WWP1: variants seen among roughly 807,000 people sequenced by gnomAD.
WWP1 encodes the protein NEDD4-like E3 ubiquitin-protein ligase WWP1.
WWP1 carries 49 observed loss-of-function variants against 130.6 expected under a neutral mutation model. The observed-to-expected ratio is 0.38, with a 90% CI of 0.30 to 0.48. The LOEUF (loss-of-function observed/expected upper bound fraction) is 0.48. WWP1 is among the 20% of genes least tolerant of loss of function. The pLI, the probability that WWP1 is intolerant of heterozygous loss-of-function variation, is 0.99. For synonymous variants in WWP1, 332 were observed against 367.8 expected (o/e 0.90, Z 1.11); for missense variants, 809 against 1,100.6 (o/e 0.74, Z 3.75).
intron 21 of WWP1, among the ~76,000 whole-genome samples, chr8:86,457,425 G>GTCTATCTATCTATCTATCTA (rs746203287): frequency 6.6e-6 from 1 of 150,542 alleles, no homozygotes; most frequent in African/African-American, 2.4e-5. Context: ...CTGTCTGTCT[G>GTCTATCTATCTATCTATCTA]TCTGTCTATC....
chr8:86,357,747 T>A (rs1013611501), intron 1 of WWP1, among the ~76,000 whole-genome samples: 13 of 152,238 alleles, frequency 8.5e-5, no homozygotes, highest in African/African-American at 3.1e-4. Context: ...TAGGTACTGT[T>A]TTTTAGTCTC....
chr8:86,371,933 C>T (rs888822981), intron 2 of WWP1, among the ~76,000 whole-genome samples: 1 of 151,932 alleles, frequency 6.6e-6, no homozygotes, highest in East Asian at 1.9e-4. Flanking sequence ...CCTCCACCTC[C>T]CAGATTCAAG....
chr8:86,362,003 C>T lies in WWP1; in HGVS notation c.-114-6936C>T, dbSNP rs56184674. ...ATATATATATATATACATATATATA[C>T]ACACATATATATATACACATATATA... On this transcript the variant is annotated intron_variant, in intron 1 of 24. Transcript: ENST00000517970. Among the ~76,000 whole-genome samples the T allele has an allele frequency of 9.1e-3, 650 of 71,472 alleles. 3 individuals are homozygous for T. The highest frequency in any genetic ancestry group is 0.017 in the Admixed American group (126 of 7,514). 46.9% of individuals were successfully genotyped at this position (71,472 alleles called of 152,430 possible). A position where few individuals can be genotyped will look rare whatever the true frequency, so the allele number is the denominator to read the frequency against.
intron 22 of WWP1, among the ~76,000 whole-genome samples, chr8:86,459,819 G>A (rs1811661236): frequency 6.6e-6 from 1 of 152,190 alleles, no homozygotes; most frequent in Admixed American, 6.5e-5. Flanking sequence ...TAAGCTTAGA[G>A]TCATATAAAT....
At chr8:86,406,672 G>A (rs182691349) in intron 8 of WWP1, among the ~76,000 whole-genome samples, 6 of 152,262 alleles carry the variant, frequency 3.9e-5, no homozygotes, top group African/African-American at 1.4e-4. Context: ...ATGTGTGTGT[G>A]TGTGTTTCTA....
At chr8:86,459,375 T>A (rs1363562535) in intron 22 of WWP1, among the ~76,000 whole-genome samples, 7 of 152,138 alleles carry the variant, frequency 4.6e-5, no homozygotes, top group Admixed American at 3.9e-4. Context: ...ACAAAAATGT[T>A]GGAGAATAAT....
At chr8:86,425,611 A>G (rs561348728) in intron 10 of WWP1, among the ~76,000 whole-genome samples, 39 of 152,136 alleles carry the variant, frequency 2.6e-4, no homozygotes, top group Non-Finnish European at 5.0e-4. Flanking sequence ...AGGACAGTTT[A>G]TATGTATGGT....
intron 1 of WWP1, among the ~76,000 whole-genome samples, chr8:86,365,287 A>C (rs1431453685): frequency 1.3e-5 from 2 of 152,216 alleles, no homozygotes; most frequent in Non-Finnish European, 2.9e-5. Flanking sequence ...AGGGCCATAT[A>C]TTGTGCACTG....
intron 1 of WWP1, among the ~76,000 whole-genome samples, chr8:86,358,729 G>A (rs1823395858): frequency 6.6e-6 from 1 of 151,638 alleles, no homozygotes; most frequent in Non-Finnish European, 1.5e-5. Context: ...GGCTGGTCTC[G>A]AACTCCTGGG....
intron 9 of WWP1, among the ~76,000 whole-genome samples, chr8:86,418,422 T>C (rs1241421656): frequency 6.6e-6 from 1 of 152,168 alleles, no homozygotes; most frequent in Non-Finnish European, 1.5e-5. Flanking sequence ...GTGCATTAGC[T>C]GGGTGCTTCT....
At chr8:86,406,971 T>C (rs1563503624) in intron 8 of WWP1, among the ~76,000 whole-genome samples, 1 of 152,314 alleles carries the variant, frequency 6.6e-6, no homozygotes, top group East Asian at 1.9e-4. Flanking sequence ...TTGAGATGGA[T>C]ATACCATAAA....
At chr8:86,432,111 C>T (rs1471172696) in intron 14 of WWP1, among the ~76,000 whole-genome samples, 5 of 152,298 alleles carry the variant, frequency 3.3e-5, no homozygotes, top group Middle Eastern at 6.8e-3. Flanking sequence ...TGGTTTCTAA[C>T]GATGACAGTC....
chr8:86,381,698 C>T (rs1824996526), intron 5 of WWP1, 69 bp downstream of exon 5: 1 of 1,385,200 alleles, frequency 7.2e-7, no homozygotes, highest in African/African-American at 1.5e-5. Flanking sequence ...TATCCTGAAT[C>T]CTAAAAGCAA....
intron 8 of WWP1, among the ~76,000 whole-genome samples, chr8:86,410,769 T>G (rs1808539157): frequency 6.6e-6 from 1 of 151,210 alleles, no homozygotes; most frequent in African/African-American, 2.4e-5. Context: ...CTTTCTTACA[T>G]CTTTAGGTAC....
At chr8:86,370,855 C>CTTTTTTTTTTTTTTTTTTTTTTTTTTTTT (rs555585296) in intron 2 of WWP1, among the ~76,000 whole-genome samples, 1 of 44,862 alleles carries the variant, frequency 2.2e-5, no homozygotes, top group Non-Finnish European at 3.8e-5. Flanking sequence ...TATATTCATT[C>CTTTTTTTTTTTTTTTTTTTTTTTTTTTTT]TTTTTTTTTT....
intron 4 of WWP1, 136 bp downstream of exon 4, chr8:86,381,000 GA>G: frequency 8.6e-7 from 1 of 1,167,418 alleles, no homozygotes; most frequent in Non-Finnish European, 1.1e-6. Context: ...AAAGTATGGA[GA>G]AATTTTTGGT....
intron 5 of WWP1, among the ~76,000 whole-genome samples, chr8:86,387,472 C>T (rs1825349173): frequency 1.3e-5 from 2 of 151,822 alleles, no homozygotes; most frequent in Non-Finnish European, 2.9e-5. Context: ...TTTACTGACA[C>T]ATTCATATAT....
intron 9 of WWP1, among the ~76,000 whole-genome samples, chr8:86,412,430 G>A (rs564266105): frequency 1.3e-4 from 20 of 151,994 alleles, no homozygotes; most frequent in Middle Eastern, 6.8e-3. Flanking sequence ...TATTCCATTC[G>A]GTAATTTCTT....
chr8:86,370,280 G>A (rs1824209360), intron 2 of WWP1, among the ~76,000 whole-genome samples: 1 of 152,178 alleles, frequency 6.6e-6, no homozygotes, highest in African/African-American at 2.4e-5. Flanking sequence ...AGATGTTTGA[G>A]CAGACATAAA....
Sources: allele counts gnomAD v4.1 joint callset (sites outside exome capture counted in the v4.1 genomes callset), GRCh38; gene constraint gnomAD v4.1.1; transcripts MANE v1.5; gene names NCBI Gene and HGNC (gene_info 2026-07-23, HGNC 2026-07-21).